The following LARGE1 variants were observed in gnomAD, a reference collection of about 807,000 sequenced individuals.
LARGE1 encodes LARGE xylosyl- and glucuronyltransferase 1.
LARGE1 carries 43 observed loss-of-function variants against 87.6 expected under a neutral mutation model. That is an observed-to-expected ratio of 0.49 (90% CI 0.38 to 0.63). The LOEUF (loss-of-function observed/expected upper bound fraction) is 0.63, where lower values mean the gene tolerates loss of function less well. Among genes scored for constraint, LARGE1 ranks in the 30% least tolerant of loss-of-function variants. The probability of loss-of-function intolerance (pLI) is 0.00; values close to 1 mark genes in which losing one functional copy is unlikely to be tolerated. For missense variants in LARGE1, 802 were observed against 1,000.2 expected (o/e 0.80, Z 2.67); for synonymous variants, 434 against 394.6 (o/e 1.10, Z -1.18).
At chr22:33,781,103 A>C (rs987138623) in intron 1 of LARGE1, among the ~76,000 whole-genome samples, 14 of 152,198 alleles carry the variant, frequency 9.2e-5, no homozygotes, top group Non-Finnish European at 1.9e-4. Context: ...GTATCCAATA[A>C]ATTTGTCTTA....
the LARGE1 span, among the ~76,000 whole-genome samples, chr22:33,142,599 A>ACC: frequency 6.6e-6 from 1 of 152,168 alleles, no homozygotes; most frequent in Non-Finnish European, 1.5e-5. Context: ...AATAAGAGTA[A>ACC]CCCCAAGGAA....
At chr22:33,735,754 C>T (rs1438151158) in intron 2 of LARGE1, among the ~76,000 whole-genome samples, 2 of 152,196 alleles carry the variant, frequency 1.3e-5, no homozygotes, top group Admixed American at 6.5e-5. Flanking sequence ...AATTCCGTAG[C>T]ATTTTAATCA....
chr22:33,856,270 C>T (rs2146547490), intron 1 of LARGE1, among the ~76,000 whole-genome samples: 2 of 152,278 alleles, frequency 1.3e-5, no homozygotes, highest in South Asian at 4.1e-4. Flanking sequence ...TCCACCCAGA[C>T]AAACACATGC....
At chr22:33,580,894 T>C (rs1158123508) in intron 5 of LARGE1, among the ~76,000 whole-genome samples, 1 of 152,218 alleles carries the variant, frequency 6.6e-6, no homozygotes. Flanking sequence ...ATGAAAATAT[T>C]CTAGTTAGAT....
chr22:33,863,689 A>G (rs190114455), intron 1 of LARGE1, among the ~76,000 whole-genome samples: 1 of 151,740 alleles, frequency 6.6e-6, no homozygotes, highest in African/African-American at 2.4e-5. Flanking sequence ...AATCACTTGA[A>G]CCCAGGAGGC....
intron 9 of LARGE1, among the ~76,000 whole-genome samples, chr22:33,359,513 G>A (rs2064302458): frequency 6.6e-6 from 1 of 150,956 alleles, no homozygotes; most frequent in Non-Finnish European, 1.5e-5. Context: ...ACACCTGAGA[G>A]CAGCAACTTA....
chr22:33,163,542 G>T (rs1016385726), exon 12 of LARGE1: 11 of 152,180 alleles, frequency 7.2e-5, no homozygotes, highest in Admixed American at 6.5e-4. Flanking sequence ...ACAAAAATAA[G>T]ACTTAATACA....
chr22:33,490,111 C>T (rs930230461), intron 6 of LARGE1, among the ~76,000 whole-genome samples: 1 of 152,198 alleles, frequency 6.6e-6, no homozygotes, highest in Non-Finnish European at 1.5e-5. Flanking sequence ...ATTACTTGCT[C>T]CCTCAACTGG....
At chr22:33,729,687 G>A (rs759269142) in intron 2 of LARGE1, among the ~76,000 whole-genome samples, 3 of 152,174 alleles carry the variant, frequency 2.0e-5, no homozygotes, top group Non-Finnish European at 4.4e-5. Context: ...AACAACAGGC[G>A]CTATCAAGGA....
chr22:33,786,783 A>C (rs2085657116), intron 1 of LARGE1, among the ~76,000 whole-genome samples: 2 of 152,214 alleles, frequency 1.3e-5, no homozygotes, highest in Admixed American at 1.3e-4. Flanking sequence ...GCACTTTGGG[A>C]GGCCAAGGTG....
intron 6 of LARGE1, among the ~76,000 whole-genome samples, chr22:33,434,684 A>G (rs568679139): frequency 6.6e-6 from 1 of 152,270 alleles, no homozygotes; most frequent in Non-Finnish European, 1.5e-5. Context: ...CAAATTTTAT[A>G]TGGTGGCATC....
At chr22:33,736,717 T>C (rs1471322655) in intron 2 of LARGE1, among the ~76,000 whole-genome samples, 1 of 152,206 alleles carries the variant, frequency 6.6e-6, no homozygotes, top group Non-Finnish European at 1.5e-5. Context: ...TAATCTAAAG[T>C]CACAAAGATT....
intron 6 of LARGE1, among the ~76,000 whole-genome samples, chr22:33,439,318 T>C (rs188843906): frequency 9.5e-4 from 144 of 152,280 alleles, no homozygotes; most frequent in Non-Finnish European, 1.7e-3. Flanking sequence ...GTGTTCATAA[T>C]GTCTAGGTTT....
At chr22:33,631,542 A>G (rs1295195891) in intron 3 of LARGE1, among the ~76,000 whole-genome samples, 1 of 152,146 alleles carries the variant, frequency 6.6e-6, no homozygotes, top group Non-Finnish European at 1.5e-5. Flanking sequence ...CATCAATATC[A>G]CTGTCTTCCA....
the LARGE1 span, among the ~76,000 whole-genome samples, chr22:33,112,167 C>T: frequency 6.6e-6 from 1 of 152,176 alleles, no homozygotes; most frequent in Non-Finnish European, 1.5e-5. Flanking sequence ...GAGCTGGCAG[C>T]CCAGTTAGGA....
chr22:33,166,646 T>C, exon 12 of LARGE1: 1 of 426,048 alleles, frequency 2.3e-6, no homozygotes, highest in South Asian at 1.8e-5. Context: ...CGTGAGGATG[T>C]TCACCTGGCA....
At chr22:33,107,912 A>AT in the LARGE1 span, among the ~76,000 whole-genome samples, 5,326 of 150,202 alleles carry the variant, frequency 0.035, 237 homozygotes, top group African/African-American at 0.1. Context: ...TCTCATTGGG[A>AT]TTTTTTTTTT....
At chr22:33,389,669 A>T (rs537656261) in intron 7 of LARGE1, among the ~76,000 whole-genome samples, 4 of 152,126 alleles carry the variant, frequency 2.6e-5, no homozygotes, top group Admixed American at 1.3e-4. Flanking sequence ...ACATGGAGAA[A>T]CCCTGTCTCT....
chr22:33,816,213 T>G (rs1324259612), intron 1 of LARGE1, among the ~76,000 whole-genome samples: 1 of 152,164 alleles, frequency 6.6e-6, no homozygotes, highest in Non-Finnish European at 1.5e-5. Context: ...AGCATCTGGA[T>G]TTTCATGCTT....
Sources: gnomAD v4.1 joint callset for allele counts (sites outside exome capture counted in the v4.1 genomes callset) on GRCh38, gnomAD v4.1.1 for gene constraint, MANE v1.5 for transcripts, NCBI Gene and HGNC (gene_info 2026-07-23, HGNC 2026-07-21) for gene names.